The following VRK3 variants were observed in gnomAD, a reference collection of about 807,000 sequenced individuals.
VRK3 encodes serine/threonine-protein kinase VRK3.
VRK3 carries 50 observed loss-of-function variants against 60.4 expected under a neutral mutation model. The ratio of observed to expected loss-of-function variants is 0.83; its 90% CI spans 0.66 to 1.05. The LOEUF is 1.05. VRK3 is among the 50% of genes least tolerant of loss of function. The pLI, the probability that VRK3 is intolerant of heterozygous loss-of-function variation, is 0.00. For missense variants in VRK3, 549 were observed against 585.3 expected (o/e 0.94, Z 0.64); for synonymous variants, 246 against 227.8 (o/e 1.08, Z -0.72).
intron 3 of VRK3, among the ~76,000 whole-genome samples, chr19:50,011,194 C>A (rs887978746): frequency 1.3e-5 from 2 of 152,144 alleles, no homozygotes; most frequent in Non-Finnish European, 2.9e-5. Flanking sequence ...ACAAATAACA[C>A]CTATGTAACA....
intron 8 of VRK3, 114 bp downstream of exon 8, chr19:49,995,077 A>T: frequency 7.6e-7 from 1 of 1,311,274 alleles, no homozygotes; most frequent in Non-Finnish European, 1.1e-6. Flanking sequence ...AAACTACGAG[A>T]AGGCAGGAAG....
chr19:50,023,213 T>C (rs1305092148), intron 1 of VRK3, among the ~76,000 whole-genome samples: 1 of 152,210 alleles, frequency 6.6e-6, no homozygotes, highest in African/African-American at 2.4e-5. Context: ...GAGATGGAGT[T>C]TGGCTCTTTT....
intron 5 of VRK3, among the ~76,000 whole-genome samples, chr19:50,006,619 C>T (rs528528651): frequency 4.6e-5 from 7 of 152,304 alleles, no homozygotes; most frequent in African/African-American, 1.7e-4. Flanking sequence ...TCGTGATCCG[C>T]CTGTCTCGGC....
intron 10 of VRK3, among the ~76,000 whole-genome samples, chr19:49,992,081 C>A (rs1194096566): frequency 6.6e-6 from 1 of 152,214 alleles, no homozygotes; most frequent in African/African-American, 2.4e-5. Flanking sequence ...AGGTAGGACA[C>A]CTTCCTAAGA....
At chr19:50,023,743 G>A (rs963888563) in intron 1 of VRK3, among the ~76,000 whole-genome samples, 1 of 152,098 alleles carries the variant, frequency 6.6e-6, no homozygotes, top group Non-Finnish European at 1.5e-5. Context: ...GGTGGGTGGG[G>A]GGGGTCCCCA....
At chr19:50,008,616 C>T (rs1227744378) in intron 4 of VRK3, 6 of 153,242 alleles carry the variant, frequency 3.9e-5, no homozygotes, top group African/African-American at 1.4e-4. Context: ...TGCTGGGTCC[C>T]TACCTGCAAA....
Position 49,988,620 on chromosome 19 carries a change from T to C in VRK3, c.1097-128A>G, listed in dbSNP as rs946862661. On this transcript the variant is annotated intron_variant, in intron 11 of 14. Transcript: ENST00000316763. ...ACTCATACACCCAGCCTTCCAGCCATATGGGCTGTCTCCTCCGCTCATTCA... is the reference window on the plus strand; with the variant it reads ...ACTCATACACCCAGCCTTCCAGCCACATGGGCTGTCTCCTCCGCTCATTCA... The C allele has an allele frequency of 1.2e-5, 16 of 1,294,928 alleles. No homozygotes were observed. The South Asian group carries it at 1.6e-4, about 13-fold the overall frequency. The allele number at this position is 1,294,928 out of a possible 1,614,324, so 80.2% of individuals were successfully genotyped here. A position where few individuals can be genotyped will look rare whatever the true frequency, so the allele number is the denominator to read the frequency against.
Position 50,007,564 on chromosome 19 carries a change from T to C in VRK3, c.547+5A>G, listed in dbSNP as rs749819987. On this transcript the variant is annotated splice_donor_5th_base_variant and intron_variant, in intron 5 of 14. Coordinates refer to ENST00000316763, the MANE Select transcript of VRK3 (RefSeq NM_016440.4). ...AGTCCCTGGCCGCCCATGGACAGAG[T>C]GTACCTTCATAGAGAATGCCCTGGT... The C allele has an allele frequency of 1.9e-6, 3 of 1,614,024 alleles. No homozygotes were observed. The highest frequency in any genetic ancestry group is 8.5e-7 in the Non-Finnish European group (1 of 1,179,938).
At chr19:49,988,685 A>T (rs1212723529) in intron 11 of VRK3, among the ~76,000 whole-genome samples, 193 bp from the exon 12 acceptor site, 1 of 150,152 alleles carries the variant, frequency 6.7e-6, no homozygotes, top group Admixed American at 6.6e-5. Flanking sequence ...TCTCTCTCTC[A>T]CTCAACCATT....
chr19:50,009,539 A>G lies in VRK3; in HGVS notation c.140-154T>C, dbSNP rs548105774. 3.9e-5 allele frequency among the ~76,000 whole-genome samples: 6 copies of G among 152,298 alleles called. No homozygotes were observed. The South Asian group carries it at 1.2e-3, about 32-fold the overall frequency. Reference sequence around the variant, plus strand: ...CTTCTATTATGTAAATATATGAGCAAACTGTTCCTTTTAGTTGTTCTCTCC... The same window carrying G: ...CTTCTATTATGTAAATATATGAGCAGACTGTTCCTTTTAGTTGTTCTCTCC... On this transcript the variant is annotated intron_variant, in intron 3 of 14. Coordinates refer to ENST00000316763, the MANE Select transcript of VRK3 (RefSeq NM_016440.4).
At chr19:49,985,872 G>A (rs1465015426) in intron 12 of VRK3, among the ~76,000 whole-genome samples, 1 of 152,194 alleles carries the variant, frequency 6.6e-6, no homozygotes, top group Non-Finnish European at 1.5e-5. Flanking sequence ...GGCTGTCTCT[G>A]GAGTTGAATG....
Position 49,995,250 on chromosome 19 carries a change from C to T in VRK3, c.705G>A (p.Ser235=), listed in dbSNP as rs570016528. The T allele has an allele frequency of 2.5e-4, 402 of 1,614,144 alleles. 4 individuals carry two copies. In the South Asian group the frequency reaches 4.1e-3, roughly 16 times the overall value. Residue 235 remains serine (S), a synonymous_variant, in exon 8 of 15, where the codon TCG becomes TCA. Coordinates refer to ENST00000316763, the MANE Select transcript of VRK3 (RefSeq NM_016440.4). ...LQVNKWKKLY[S]TPLLAIPTCM... is the part of the protein sequence containing the mutation. ...AGGTAGGGATGGCCAGCAGTGGGGT[C>T]GAGTACAGCTTCTTCCACTTGTTGA...
intron 1 of VRK3, among the ~76,000 whole-genome samples, chr19:50,020,963 T>C (rs915590925): frequency 1.1e-4 from 16 of 152,072 alleles, no homozygotes; most frequent in African/African-American, 3.1e-4. Flanking sequence ...TAAAGTACCA[T>C]AGAAGAAAAC....
Position 49,976,681 on chromosome 19 carries a change from A to G in VRK3, c.*115T>C, listed in dbSNP as rs1222665545. 6.6e-6 allele frequency: 1 copy of G among 152,570 alleles called. No individual in the cohort carries two copies. The highest frequency in any genetic ancestry group is 1.9e-4 in the East Asian group (1 of 5,200). The allele number at this position is 152,570 out of a possible 1,614,324, so 9.5% of individuals were successfully genotyped here. A position where few individuals can be genotyped will look rare whatever the true frequency, so the allele number is the denominator to read the frequency against. On this transcript the variant is annotated 3_prime_UTR_variant, in exon 15 of 15. Transcript: ENST00000316763. Reference sequence around the variant, plus strand: ...ATCCTGAAACCAGTGGCAGGAATGCACATTCCAGGGCTTGTTCTAGAAGCT... The same window carrying G: ...ATCCTGAAACCAGTGGCAGGAATGCGCATTCCAGGGCTTGTTCTAGAAGCT...
intron 12 of VRK3, chr19:49,981,982 G>A: frequency 1.6e-6 from 1 of 640,774 alleles, no homozygotes; most frequent in Non-Finnish European, 2.8e-6. Context: ...GGAATGTGGG[G>A]GCCAGCGGGG....
intron 14 of VRK3, 44 bp downstream of exon 14, chr19:49,979,039 G>A (rs1174614312): frequency 1.9e-6 from 3 of 1,539,884 alleles, no homozygotes; most frequent in African/African-American, 2.8e-5. Context: ...GGGCTCGGGT[G>A]AGGGCAAGGG....
chr19:50,024,126 T>TG (rs959184745), intron 1 of VRK3, among the ~76,000 whole-genome samples: 2 of 152,066 alleles, frequency 1.3e-5, no homozygotes, highest in Non-Finnish European at 2.9e-5. Context: ...TTAGTAGAGA[T>TG]GGGGTTTCAC....
rs753725230 is a variant in VRK3 at position 49,992,820 on chromosome 19, G to A, written c.963+40C>T. On this transcript the variant is annotated intron_variant, in intron 10 of 14. Coordinates refer to ENST00000316763, the MANE Select transcript of VRK3 (RefSeq NM_016440.4). ...GATTTGGAGACAGATGGGAACCTGA[G>A]CCCAGAGATCTTCCAGAGTGGGCAG... The A allele has an allele frequency of 5.7e-6, 9 of 1,589,652 alleles. No individual in the cohort carries two copies. The South Asian group carries it at 9.9e-5, about 18-fold the overall frequency.
At chr19:49,977,299 G>C (rs528615737) in intron 14 of VRK3, among the ~76,000 whole-genome samples, 1 of 152,292 alleles carries the variant, frequency 6.6e-6, no homozygotes, top group African/African-American at 2.4e-5. Context: ...GCACAGGCAA[G>C]ATGACCTTCA....
Sources: gnomAD v4.1 joint callset for allele counts (sites outside exome capture counted in the v4.1 genomes callset) on GRCh38, gnomAD v4.1.1 for gene constraint, MANE v1.5 for transcripts, NCBI Gene and HGNC (gene_info 2026-07-23, HGNC 2026-07-21) for gene names.